NET1: variants seen among roughly 807,000 people sequenced by gnomAD.
The protein encoded by NET1 is neuroepithelial cell transforming 1.
In NET1, 42 loss-of-function variants were observed where a neutral mutation model predicts 61.1. The observed-to-expected ratio is 0.69, with a 90% CI of 0.54 to 0.89. NET1 has a LOEUF of 0.89. Among genes scored for constraint, NET1 ranks in the 40% least tolerant of loss-of-function variants. The pLI, the probability that NET1 is intolerant of heterozygous loss-of-function variation, is 0.00. For missense variants in NET1, 654 were observed against 747.3 expected (o/e 0.88, Z 1.46); for synonymous variants, 254 against 281.8 (o/e 0.90, Z 0.99).
Position 5,421,551 on chromosome 10 carries a change from TTAGTAG to T in NET1, c.129-5096_129-5091del, listed in dbSNP as rs1832174580. On this transcript the variant is annotated intron_variant, in intron 1 of 11. Coordinates refer to ENST00000355029, the MANE Select transcript of NET1 (RefSeq NM_001047160.3). This position sits in a 1 kb window ranked among gnomAD's most constrained non-coding sequence, Gnocchi z 4.2. ...TCTTGACAACCCAGGATCTTTATTA[TTAGTAG>T]TAGTAGTTGCCAAAAATAAAAGGCA... Among the ~76,000 whole-genome samples, 1 of 152,184 alleles carries T rather than the reference TTAGTAG, an allele frequency of 6.6e-6. No homozygotes were observed. The highest frequency in any genetic ancestry group is 2.4e-5 in the African/African-American group (1 of 41,444).
chr10:5,442,756 G>T (rs184504690), intron 3 of NET1, among the ~76,000 whole-genome samples: 1 of 151,896 alleles, frequency 6.6e-6, no homozygotes, highest in Admixed American at 6.6e-5. Context: ...TTAGCCAGGC[G>T]TGATGGCACA....
chr10:5,432,738 T>A (rs1049487972), intron 3 of NET1, among the ~76,000 whole-genome samples: 5 of 151,382 alleles, frequency 3.3e-5, no homozygotes, highest in Non-Finnish European at 7.4e-5. Context: ...ATTTTATGGT[T>A]TATCCTTCCA....
chr10:5,435,906 G>C lies in NET1; in HGVS notation c.255+6677G>C, dbSNP rs887431263. Among the ~76,000 whole-genome samples, 2 of 152,046 alleles carry C rather than the reference G, an allele frequency of 1.3e-5. No homozygotes were observed. Among genetic ancestry groups the C allele is most frequent in the African/African-American group, 4.8e-5 (2 of 41,492 alleles). ...AGTTTTCCAAATGTGTTTCTCAGCT[G>C]TGTATGTTAGCAACTACAATCTTTC... On this transcript the variant is annotated intron_variant, in intron 3 of 11. Transcript: ENST00000355029. This position sits in a 1 kb window ranked among gnomAD's most constrained non-coding sequence, Gnocchi z 5.0.
rs1251152555 is a variant in NET1 at position 5,431,879 on chromosome 10, C to A, written c.255+2650C>A. Among the ~76,000 whole-genome samples, 1 of 152,186 alleles carries A rather than the reference C, an allele frequency of 6.6e-6. No homozygotes were observed. The highest frequency in any genetic ancestry group is 2.4e-5 in the African/African-American group (1 of 41,456). On this transcript the variant is annotated intron_variant, in intron 3 of 11. Coordinates refer to ENST00000355029, the MANE Select transcript of NET1 (RefSeq NM_001047160.3). The surrounding 1 kb of genome is among the most constrained non-coding windows in gnomAD (Gnocchi z 4.9). ...TCGGCCTCCCAAAGTGCTGGGATTA[C>A]AGGCATGAGCCACCACGCCTGGCCT... is the stretch of plus-strand genomic sequence containing the variant.
At chr10:5,436,248 A>ATTTT (rs1190534260) in intron 3 of NET1, among the ~76,000 whole-genome samples, 2 of 18,426 alleles carry the variant, frequency 1.1e-4, no homozygotes, top group African/African-American at 2.2e-4. Flanking sequence ...ATATATATAT[A>ATTTT]TTTTTTTTTT....
rs546174916 is a variant in NET1, at chr10:5,437,990, A to C, written c.255+8761A>C. 9.9e-5 allele frequency among the ~76,000 whole-genome samples: 15 copies of C among 151,800 alleles called. No homozygotes were observed. The highest frequency in any genetic ancestry group is 2.2e-4 in the Non-Finnish European group (15 of 68,014). On this transcript the variant is annotated intron_variant, in intron 3 of 11. Coordinates refer to ENST00000355029, the MANE Select transcript of NET1 (RefSeq NM_001047160.3). This position sits in a 1 kb window ranked among gnomAD's most constrained non-coding sequence, Gnocchi z 4.3. ...TAAGTATGTGGAAATTAAACAACAC[A>C]TTATTAAACAATCAATGAGTCAAAA...
rs182960432 is a variant in NET1 at position 5,417,140 on chromosome 10, G to A, written c.128+4320G>A. Among the ~76,000 whole-genome samples, 12 of 149,238 alleles carry A rather than the reference G, an allele frequency of 8.0e-5. No individual in the cohort carries two copies. Among genetic ancestry groups the A allele is most frequent in the Admixed American group, 8.0e-4 (12 of 14,966 alleles). On this transcript the variant is annotated intron_variant, in intron 1 of 11. Transcript: ENST00000355029. The surrounding 1 kb of genome is among the most constrained non-coding windows in gnomAD (Gnocchi z 5.5). ...CCCTGGCCAAGCTCTGCGTCATTCTGCGAATCGATGGCCTGCCAGCTGGCC... is the reference window on the plus strand; with the variant it reads ...CCCTGGCCAAGCTCTGCGTCATTCTACGAATCGATGGCCTGCCAGCTGGCC...
At chr10:5,436,210 G>GCATATA (rs1439750851) in intron 3 of NET1, among the ~76,000 whole-genome samples, 2 of 88,452 alleles carry the variant, frequency 2.3e-5, no homozygotes, top group African/African-American at 4.7e-5. Context: ...GTGTGTGTGT[G>GCATATA]TGTGTGTGTG....
At position 5,420,667 on chromosome 10, in the gene NET1, C is replaced by T. The variant is rs1209823846; in HGVS notation, c.129-5988C>T. ...CTGGAGTGCAGTGGCGCGATCTCGG[C>T]TCACTGTAGCCTCCGACTCCCTGGT... is the stretch of plus-strand genomic sequence containing the variant. On this transcript the variant is annotated intron_variant, in intron 1 of 11. Transcript: ENST00000355029. This position sits in a 1 kb window ranked among gnomAD's most constrained non-coding sequence, Gnocchi z 5.3. Among the ~76,000 whole-genome samples the T allele has an allele frequency of 6.6e-6, 1 of 152,126 alleles. No individual in the cohort carries two copies. Among genetic ancestry groups the T allele is most frequent in the East Asian group, 1.9e-4 (1 of 5,192 alleles).
rs1554817689 is a variant in NET1, at chr10:5,442,877, T to TTA, written c.256-8953_256-8952insTA. Among the ~76,000 whole-genome samples, 9 of 141,614 alleles carry TTA rather than the reference T, an allele frequency of 6.4e-5. No individual in the cohort carries two copies. In the East Asian group the frequency reaches 1.0e-3, roughly 16 times the overall value. 92.9% of individuals were successfully genotyped at this position (141,614 alleles called of 152,430 possible). A position where few individuals can be genotyped will look rare whatever the true frequency, so the allele number is the denominator to read the frequency against. On this transcript the variant is annotated intron_variant, in intron 3 of 11. Coordinates refer to ENST00000355029, the MANE Select transcript of NET1 (RefSeq NM_001047160.3). The stretch of plus-strand genomic sequence containing the variant: ...GGACAACAGAGCAAGACCCTGTCTT[T>TTA]AAAAAAAAAAAAAAAGAAAGAAAGA...
At chr10:5,442,082 T>G (rs1490390086) in intron 3 of NET1, among the ~76,000 whole-genome samples, 2 of 152,226 alleles carry the variant, frequency 1.3e-5, no homozygotes, top group Non-Finnish European at 2.9e-5. Flanking sequence ...ATGTTTAATT[T>G]AGTAATATAA....
chr10:5,419,706 T>TTTGTTGTTGTTG lies in NET1; in HGVS notation c.128+6904_128+6915dup, dbSNP rs71388430. Among the ~76,000 whole-genome samples the TTTGTTGTTGTTG allele has an allele frequency of 1.5e-3, 223 of 151,020 alleles. 1 individual carries two copies. In the East Asian group the frequency reaches 0.019, roughly 13 times the overall value. Reference sequence around the variant, plus strand: ...TTCTCTGTTTGTTTTTTTTCTTTGTTTTGTTGTTGTTGTTGTTGTTGTTGT... The same window carrying TTTGTTGTTGTTG: ...TTCTCTGTTTGTTTTTTTTCTTTGTTTTGTTGTTGTTGTTGTTGTTGTTGTTGTTGTTGTTGT... On this transcript the variant is annotated intron_variant, in intron 1 of 11. Transcript: ENST00000355029.
At position 5,424,702 on chromosome 10, in the gene NET1, T is replaced by C. The variant is rs1444830472; in HGVS notation, c.129-1953T>C. ...TTATTTAGGAAATGTTTGTTTTAAATATCTTAAGATCTTTGCATCTAATTT... is the reference window on the plus strand; with the variant it reads ...TTATTTAGGAAATGTTTGTTTTAAACATCTTAAGATCTTTGCATCTAATTT... On this transcript the variant is annotated intron_variant, in intron 1 of 11. Transcript: ENST00000355029. The surrounding 1 kb of genome is among the most constrained non-coding windows in gnomAD (Gnocchi z 6.1). Among the ~76,000 whole-genome samples the C allele has an allele frequency of 1.3e-5, 2 of 152,218 alleles. No individual in the cohort carries two copies. Among genetic ancestry groups the C allele is most frequent in the Non-Finnish European group, 2.9e-5 (2 of 68,034 alleles).
chr10:5,420,233 A>C lies in NET1; in HGVS notation c.129-6422A>C, dbSNP rs1312008560. ...AGTTCTACCCACAGAAATTTATCTT[A>C]AAGTAATGGGCAAGTATACATGGAT... is the stretch of plus-strand genomic sequence containing the variant. On this transcript the variant is annotated intron_variant, in intron 1 of 11. Coordinates refer to ENST00000355029, the MANE Select transcript of NET1 (RefSeq NM_001047160.3). This position sits in a 1 kb window ranked among gnomAD's most constrained non-coding sequence, Gnocchi z 5.3. Among the ~76,000 whole-genome samples, 1 of 152,252 alleles carries C rather than the reference A, an allele frequency of 6.6e-6. No individual in the cohort carries two copies. Among genetic ancestry groups the C allele is most frequent in the Non-Finnish European group, 1.5e-5 (1 of 68,038 alleles).
Position 5,412,559 on chromosome 10 carries a change from A to G in NET1, c.-134A>G, listed in dbSNP as rs1832010418. On this transcript the variant is annotated 5_prime_UTR_variant, in exon 1 of 12. Transcript: ENST00000355029. This position sits in a 1 kb window ranked among gnomAD's most constrained non-coding sequence, Gnocchi z 6.5. ...ATCGCTGCTCAGCCGCCATTTTCAAATCCCCGGATGACGGCGGTGGCGGCT... is the reference window on the plus strand; with the variant it reads ...ATCGCTGCTCAGCCGCCATTTTCAAGTCCCCGGATGACGGCGGTGGCGGCT... 2 of 986,756 alleles carry G rather than the reference A, an allele frequency of 2.0e-6. No homozygotes were observed. Among genetic ancestry groups the G allele is most frequent in the Admixed American group, 8.3e-5 (2 of 24,138 alleles). 61.1% of individuals were successfully genotyped at this position (986,756 alleles called of 1,614,324 possible). A position where few individuals can be genotyped will look rare whatever the true frequency, so the allele number is the denominator to read the frequency against.
Position 5,446,282 on chromosome 10 carries a change from CTTAT to C in NET1, c.256-5545_256-5542del, listed in dbSNP as rs777080190. Among the ~76,000 whole-genome samples the C allele has an allele frequency of 6.6e-6, 1 of 152,016 alleles. No individual in the cohort carries two copies. The highest frequency in any genetic ancestry group is 1.5e-5 in the Non-Finnish European group (1 of 67,998). On this transcript the variant is annotated intron_variant, in intron 3 of 11. Transcript: ENST00000355029. This position sits in a 1 kb window ranked among gnomAD's most constrained non-coding sequence, Gnocchi z 5.0. ...CCTATCGAATAAGAATTTCTATTTC[CTTAT>C]TTGAGTTGTCAAGTTGTCCATACTG...
chr10:5,424,201 A>G lies in NET1; in HGVS notation c.129-2454A>G, dbSNP rs747540604. ...CTGAATATTTTAAGTGCCACAGTTA[A>G]TGCCACTTTGTAATGTAGATTTGTA... On this transcript the variant is annotated intron_variant, in intron 1 of 11. Coordinates refer to ENST00000355029, the MANE Select transcript of NET1 (RefSeq NM_001047160.3). The surrounding 1 kb of genome is among the most constrained non-coding windows in gnomAD (Gnocchi z 6.1). Among the ~76,000 whole-genome samples the G allele has an allele frequency of 3.4e-4, 52 of 152,340 alleles. No individual in the cohort carries two copies. The highest frequency in any genetic ancestry group is 3.4e-3 in the Middle Eastern group (1 of 294).
intron 1 of NET1, among the ~76,000 whole-genome samples, chr10:5,413,759 G>GT (rs1461283863): frequency 2.6e-5 from 4 of 152,180 alleles, no homozygotes; most frequent in Non-Finnish European, 5.9e-5. Flanking sequence ...AACTTAGAGT[G>GT]TTTTGCAACA....
chr10:5,432,714 C>CTTT (rs150553760), intron 3 of NET1, among the ~76,000 whole-genome samples: 3 of 146,144 alleles, frequency 2.1e-5, no homozygotes, highest in Admixed American at 2.1e-4. Context: ...CAGATGAAAT[C>CTTT]TTTTTTTTTT....
Sources: gnomAD v4.1 joint callset for allele counts (sites outside exome capture counted in the v4.1 genomes callset) on GRCh38, gnomAD v4.1.1 for gene constraint, Gnocchi (gnomAD v3.1) non-coding constraint, MANE v1.5 for transcripts, NCBI Gene and HGNC (gene_info 2026-07-23, HGNC 2026-07-21) for gene names.